MEI4: variants seen among roughly 807,000 people sequenced by gnomAD.
MEI4 encodes the protein meiotic double-stranded break formation protein 4, also known as meiosis-specific protein MEI4.
Under a neutral mutation model 31.4 loss-of-function variants are expected in MEI4, and 27 were observed. The observed-to-expected ratio is 0.86, with a 90% confidence interval of 0.63 to 1.19. The LOEUF (loss-of-function observed/expected upper bound fraction) is 1.19, where lower values mean the gene tolerates loss of function less well. Ranked by LOEUF, MEI4 falls within the 50% of genes most tolerant of loss-of-function variation. The pLI is 0.00. For synonymous variants in MEI4, 122 were observed against 145.4 expected, an observed-to-expected ratio of 0.84 and a Z score of 1.16; for missense variants, 329 against 398.9, an observed-to-expected ratio of 0.82 and a Z score of 1.49.
chr6:77,696,512 A>G (rs2127654338), intron 2 of MEI4, among the ~76,000 whole-genome samples: 2 of 151,972 alleles, frequency 1.3e-5, no homozygotes, highest in African/African-American at 4.8e-5. Flanking sequence ...TTCTGCATCT[A>G]TTGAGATAAT....
intron 2 of MEI4, among the ~76,000 whole-genome samples, chr6:77,753,509 A>G (rs1270874471): frequency 6.6e-6 from 1 of 152,272 alleles, no homozygotes; most frequent in African/African-American, 2.4e-5. Flanking sequence ...AAAGCTCAGC[A>G]TCGCTGATCA....
chr6:77,695,022 A>G (rs865889508), intron 2 of MEI4, among the ~76,000 whole-genome samples: 7 of 152,082 alleles, frequency 4.6e-5, no homozygotes, highest in Admixed American at 2.6e-4. Flanking sequence ...AGTGATGATG[A>G]GCATTTTTTC....
At chr6:77,777,991 A>G (rs952258626) in intron 3 of MEI4, among the ~76,000 whole-genome samples, 4 of 152,118 alleles carry the variant, frequency 2.6e-5, no homozygotes, top group African/African-American at 9.7e-5. Context: ...GGTAATTACT[A>G]ACAATAGGAA....
At chr6:77,715,550 T>G (rs564905630) in intron 2 of MEI4, among the ~76,000 whole-genome samples, 2 of 152,340 alleles carry the variant, frequency 1.3e-5, no homozygotes, top group South Asian at 2.1e-4. Context: ...TGGCTGTGCT[T>G]CTTTTTCAGA....
In MEI4 at chr6:77,743,883, C is replaced by T. The variant is rs564351082; in HGVS notation, c.233-17247C>T. 3.3e-5 allele frequency among the ~76,000 whole-genome samples: 5 copies of T among 152,350 alleles called. No individual in the cohort carries two copies. In the South Asian group the frequency reaches 6.2e-4, roughly 19 times the overall value. ...GGGTGTGCAGTGGACCTCTAGCAAA[C>T]TCCAACAGACCTGCAGCTGAGGGTG... On this transcript the variant is annotated intron_variant, in intron 2 of 4. Transcript: ENST00000684080.
intron 4 of MEI4, among the ~76,000 whole-genome samples, chr6:77,838,778 CT>C (rs1562007722): frequency 6.6e-6 from 1 of 151,842 alleles, no homozygotes; most frequent in Non-Finnish European, 1.5e-5. Flanking sequence ...GTGGTGGTGC[CT>C]TTAATCTCAG....
At position 77,682,679 on chromosome 6, in the gene MEI4, T is replaced by G. The variant is rs141664074; in HGVS notation, c.-14-7979T>G. 3.3e-5 allele frequency among the ~76,000 whole-genome samples: 5 copies of G among 152,308 alleles called. No individual in the cohort carries two copies. The East Asian group carries it at 9.7e-4, about 29-fold the overall frequency. ...GTAAGACCTATATTGATGTATTCATTCATTCATTTACTCACTACTATTTAG... is the reference window on the plus strand; with the variant it reads ...GTAAGACCTATATTGATGTATTCATGCATTCATTTACTCACTACTATTTAG... On this transcript the variant is annotated intron_variant, in intron 1 of 4. Coordinates refer to ENST00000684080, the MANE Select transcript of MEI4 (RefSeq NM_001322247.2).
At chr6:77,879,561 A>G (rs1027930689) in intron 4 of MEI4, among the ~76,000 whole-genome samples, 2 of 152,328 alleles carry the variant, frequency 1.3e-5, no homozygotes, top group East Asian at 1.9e-4. Context: ...TTTCATAACT[A>G]TGGTATGGCA....
chr6:77,902,590 C>T (rs1766207237), intron 4 of MEI4, among the ~76,000 whole-genome samples: 1 of 151,980 alleles, frequency 6.6e-6, no homozygotes, highest in South Asian at 2.1e-4. Flanking sequence ...TTGGGGCCTC[C>T]AAATCACTAA....
intron 2 of MEI4, among the ~76,000 whole-genome samples, chr6:77,740,047 T>G (rs530960851): frequency 1.6e-4 from 24 of 152,184 alleles, no homozygotes; most frequent in Non-Finnish European, 2.5e-4. Flanking sequence ...CTACCTTAAT[T>G]GCATTATTTA....
At chr6:77,865,994 A>G (rs1221799848) in intron 4 of MEI4, among the ~76,000 whole-genome samples, 1 of 152,174 alleles carries the variant, frequency 6.6e-6, no homozygotes, top group Non-Finnish European at 1.5e-5. Flanking sequence ...GATTATCTCA[A>G]TAGATGCAGA....
chr6:77,826,865 G>T (rs1222760421), intron 3 of MEI4, among the ~76,000 whole-genome samples: 1 of 152,106 alleles, frequency 6.6e-6, no homozygotes, highest in African/African-American at 2.4e-5. Flanking sequence ...CTTCTGCACA[G>T]TTAATATAGG....
In MEI4 at chr6:77,924,472, T is replaced by TAATC. The variant is rs375598245; in HGVS notation, c.*1132_*1135dup. The TAATC allele has an allele frequency of 3.3e-5, 5 of 151,824 alleles. No individual in the cohort carries two copies. The highest frequency in any genetic ancestry group is 6.6e-5 in the Admixed American group (1 of 15,186). The allele number at this position is 151,824 out of a possible 1,614,324, so 9.4% of individuals were successfully genotyped here. ...CAGCTTTTGTTATGTGACAGATAGA[T>TAATC]AATCAATCACAAAATATCTATCAGT... is the stretch of plus-strand genomic sequence containing the variant. On this transcript the variant is annotated 3_prime_UTR_variant, in exon 5 of 5. Transcript: ENST00000684080.
At chr6:77,832,541 A>G (rs1206684000) in intron 4 of MEI4, among the ~76,000 whole-genome samples, 1 of 152,080 alleles carries the variant, frequency 6.6e-6, no homozygotes, top group Non-Finnish European at 1.5e-5. Flanking sequence ...AATATTTTGC[A>G]TATATTTTTG....
intron 3 of MEI4, among the ~76,000 whole-genome samples, chr6:77,780,465 G>T (rs1768564696): frequency 6.6e-6 from 1 of 152,124 alleles, no homozygotes; most frequent in Non-Finnish European, 1.5e-5. Flanking sequence ...TCTGTGAGTG[G>T]CCCAGCCCCA....
chr6:77,709,567 T>C (rs1766410124), intron 2 of MEI4, among the ~76,000 whole-genome samples: 1 of 152,208 alleles, frequency 6.6e-6, no homozygotes, highest in Non-Finnish European at 1.5e-5. Context: ...ATAATGCTTC[T>C]GATCCTTATA....
intron 4 of MEI4, among the ~76,000 whole-genome samples, chr6:77,874,011 TGTA>T (rs1440063487): frequency 7.2e-5 from 11 of 152,222 alleles, no homozygotes; most frequent in African/African-American, 2.7e-4. Flanking sequence ...ACTGTAGCCT[TGTA>T]GTATAGTTTG....
chr6:77,823,385 C>G (rs1769873806), intron 3 of MEI4, among the ~76,000 whole-genome samples: 1 of 152,110 alleles, frequency 6.6e-6, no homozygotes, highest in Non-Finnish European at 1.5e-5. Context: ...CTGCTCTGTT[C>G]TTAGAGGGAC....
chr6:77,900,176 C>T (rs570282923), intron 4 of MEI4, among the ~76,000 whole-genome samples: 3 of 151,980 alleles, frequency 2.0e-5, no homozygotes, highest in Non-Finnish European at 4.4e-5. Flanking sequence ...GTAAAGGGAA[C>T]TCTTATACAC....
Sources: allele counts gnomAD v4.1 joint callset (sites outside exome capture counted in the v4.1 genomes callset), GRCh38; gene constraint gnomAD v4.1.1; transcripts MANE v1.5; gene names NCBI Gene and HGNC (gene_info 2026-07-23, HGNC 2026-07-21).